PCM1: variants seen among roughly 807,000 people sequenced by gnomAD.
PCM1 encodes the protein pericentriolar material 1 protein.
PCM1 carries 157 observed loss-of-function variants against 241.9 expected under a neutral mutation model. The observed-to-expected ratio is 0.65, with a 90% confidence interval of 0.57 to 0.74. The LOEUF is 0.74. Among genes scored for constraint, PCM1 ranks in the 30% least tolerant of loss-of-function variants. The pLI is 0.00. For synonymous variants in PCM1, 1,085 were observed against 784.9 expected, an observed-to-expected ratio of 1.38 and a Z score of -6.39; for missense variants, 3,478 against 2,360.1, an observed-to-expected ratio of 1.47 and a Z score of -9.81.
intron 4 of PCM1, among the ~76,000 whole-genome samples, chr8:17,937,748 T>C (rs1231755203): frequency 6.6e-6 from 1 of 152,164 alleles, no homozygotes; most frequent in Non-Finnish European, 1.5e-5. Context: ...CTGGGTTACC[T>C]CAAGTTTAGA....
At chr8:18,003,676 G>C (rs958599043) in intron 29 of PCM1, among the ~76,000 whole-genome samples, 3 of 152,046 alleles carry the variant, frequency 2.0e-5, no homozygotes, top group Non-Finnish European at 4.4e-5. Context: ...TAAGATACTG[G>C]ATAAAAAGAA....
At chr8:17,975,774 G>C (rs992340168) in intron 23 of PCM1, among the ~76,000 whole-genome samples, 3 of 152,084 alleles carry the variant, frequency 2.0e-5, no homozygotes, top group African/African-American at 7.2e-5. Context: ...TCCCATGATG[G>C]TAATGTGTTT....
chr8:17,939,743 T>G lies in PCM1; in HGVS notation c.665T>G (p.Met222Arg). 12 of 1,560,274 alleles carry G rather than the reference T, an allele frequency of 7.7e-6. No individual in the cohort carries two copies. The highest frequency in any genetic ancestry group is 1.0e-5 in the Non-Finnish European group (12 of 1,149,118). Reference sequence around the variant, plus strand: ...GATTATATTACTAAAGCTAGTTCCATGCGGGAAGATCTTGTAGAGAAAAAT... The same window carrying G: ...GATTATATTACTAAAGCTAGTTCCAGGCGGGAAGATCTTGTAGAGAAAAAT... ...IRDYITKASSMREDLVEKNER... is the reference protein window; with the variant it reads ...IRDYITKASSRREDLVEKNER... The change falls in exon 6 of 39, where the codon ATG becomes AGG. Residue 222 changes from methionine (M) to arginine (R), a missense_variant. Coordinates refer to ENST00000325083, the MANE Select transcript of PCM1 (RefSeq NM_006197.4).
chr8:17,947,191 A>T lies in PCM1; in HGVS notation c.789A>T (p.Arg263Ser). ...YMKFLKKILA[R>S]DPQQEPMEEI... ...TTGTTGGTCTTATTTTCCAGGCCAG[A>T]GATCCTCAGCAGGAGCCTATGGAAG... The change falls in exon 7 of 39, where the codon AGA becomes AGT. Residue 263 changes from arginine to serine, a missense_variant. By Grantham distance (110) the Arg-to-Ser change is moderately radical. Coordinates refer to ENST00000325083, the MANE Select transcript of PCM1 (RefSeq NM_006197.4). The T allele has an allele frequency of 6.3e-7, 1 of 1,588,390 alleles. No homozygotes were observed. Among genetic ancestry groups the T allele is most frequent in the East Asian group, 2.2e-5 (1 of 44,644 alleles).
At chr8:17,967,665 AC>A (rs751344783) in intron 21 of PCM1, among the ~76,000 whole-genome samples, 5 of 152,200 alleles carry the variant, frequency 3.3e-5, no homozygotes, top group Non-Finnish European at 7.4e-5. Context: ...AATTAAGTAA[AC>A]TACTTAGGAA....
In PCM1 at chr8:17,963,264, G is replaced by A; in HGVS notation, c.2627G>A (p.Cys876Tyr). 6.2e-7 allele frequency: 1 copy of A among 1,603,860 alleles called. No individual in the cohort carries two copies. The highest frequency in any genetic ancestry group is 8.5e-7 in the Non-Finnish European group (1 of 1,177,386). The stretch of plus-strand genomic sequence containing the variant: ...AGAAGTGATGGATCTGAGAACCTAT[G>A]TACTCCTCAGCAAAGTAGAACAGAA... ...SLRSDGSENL[C>Y]TPQQSRTEKT... The change falls in exon 17 of 39, where the codon TGT (cysteine) becomes TAT (tyrosine). Residue 876 changes from cysteine to tyrosine, a missense_variant. Coordinates refer to ENST00000325083, the MANE Select transcript of PCM1 (RefSeq NM_006197.4).
At chr8:17,997,122 A>G (rs531655697) in intron 29 of PCM1, among the ~76,000 whole-genome samples, 65 of 152,276 alleles carry the variant, frequency 4.3e-4, no homozygotes, top group African/African-American at 1.4e-3. Context: ...CTGGGAAAGT[A>G]TTTCTCCTTC....
intron 3 of PCM1, 99 bp downstream of exon 3, chr8:17,935,805 A>G (rs941879265): frequency 1.6e-6 from 1 of 640,266 alleles, no homozygotes; most frequent in Admixed American, 2.3e-5. Context: ...CTTTGTATAC[A>G]CTTGCTGGCC....
At chr8:17,954,691 G>C (rs2067376241) in intron 9 of PCM1, among the ~76,000 whole-genome samples, 1 of 152,172 alleles carries the variant, frequency 6.6e-6, no homozygotes, top group Non-Finnish European at 1.5e-5. Context: ...CTTTGAGAAA[G>C]ATACTGGTAA....
chr8:17,976,399 A>G (rs1324823621), intron 23 of PCM1, among the ~76,000 whole-genome samples: 1 of 152,210 alleles, frequency 6.6e-6, no homozygotes, highest in Non-Finnish European at 1.5e-5. Flanking sequence ...AATGTACCCT[A>G]CAAGGTTGAG....
intron 3 of PCM1, among the ~76,000 whole-genome samples, chr8:17,936,365 C>T (rs1208526740): frequency 6.6e-6 from 1 of 152,008 alleles, no homozygotes; most frequent in African/African-American, 2.4e-5. Flanking sequence ...GAAAATATCC[C>T]AAGTGGTTTA....
At position 17,962,012 on chromosome 8, in the gene PCM1, T is replaced by C. The variant is rs755222608; in HGVS notation, c.2323-22T>C. The C allele has an allele frequency of 5.6e-6, 9 of 1,594,192 alleles. No individual in the cohort carries two copies. In the South Asian group the frequency reaches 5.7e-5, roughly 10 times the overall value. ...ATAATTGCTTTAATTCCTCATAACG[T>C]TTTTTGTGAATTCCTTTTTAGCTGT... On this transcript the variant is annotated intron_variant, in intron 15 of 38. Transcript: ENST00000325083.
At chr8:17,985,914 A>G in intron 25 of PCM1, 45 bp from the exon 26 acceptor site, 1 of 1,244,548 alleles carries the variant, frequency 8.0e-7, no homozygotes, top group East Asian at 2.6e-5. Context: ...TGAATGATTA[A>G]GCATGTATGT....
chr8:17,957,615 A>C lies in PCM1; in HGVS notation c.1880A>C (p.Glu627Ala). ...QGEDDEEEEE[E>A]AEEEGVSGAS... The stretch of plus-strand genomic sequence containing the variant: ...GAAGATGATGAGGAGGAGGAGGAAG[A>C]AGCAGAAGAGGAGGGAGTCAGTGGA... Residue 627 changes from glutamate (E) to alanine (A), a missense_variant, in exon 13 of 39, where the codon GAA (glutamate) becomes GCA (alanine). By Grantham distance (107) the Glu-to-Ala change is moderately radical. Coordinates refer to ENST00000325083, the MANE Select transcript of PCM1 (RefSeq NM_006197.4). 1 of 1,578,616 alleles carries C rather than the reference A, an allele frequency of 6.3e-7. No homozygotes were observed. Among genetic ancestry groups the C allele is most frequent in the South Asian group, 1.1e-5 (1 of 87,588 alleles).
chr8:18,022,863 A>T (rs1037051067), intron 36 of PCM1, among the ~76,000 whole-genome samples: 2 of 152,228 alleles, frequency 1.3e-5, no homozygotes, highest in Non-Finnish European at 2.9e-5. Context: ...CTAGAGGCAA[A>T]TGGAATACCC....
In PCM1 at chr8:17,993,616, G is replaced by A. The variant is rs757405725; in HGVS notation, c.4824G>A (p.Leu1608=). The change falls in exon 29 of 39, where the codon TTG becomes TTA. Residue 1608 remains leucine, a synonymous_variant. Coordinates refer to ENST00000325083, the MANE Select transcript of PCM1 (RefSeq NM_006197.4). ...TTATGAAAGAAGTCATTCCTTTTTT[G>A]AAGGTAAGCAATTATTTTAAAAAAT... ...KAIMKEVIPF[L]KEHMDEVCSS... The A allele has an allele frequency of 1.9e-6, 3 of 1,576,714 alleles. No homozygotes were observed. Among genetic ancestry groups the A allele is most frequent in the East Asian group, 2.3e-5 (1 of 43,786 alleles).
At position 17,972,681 on chromosome 8, in the gene PCM1, A is replaced by G; in HGVS notation, c.3937A>G (p.Asn1313Asp). Residue 1313 changes from asparagine to aspartate, a missense_variant, in exon 23 of 39, where the codon AAC becomes GAC. Asn to Asp is a conservative substitution (Grantham distance 23). Transcript: ENST00000325083. ...TACTCAGCTGAAAAGCAGAGTTAAAAACATCAGTAAGTGTTGAAATTTGTT... is the reference window on the plus strand; with the variant it reads ...TACTCAGCTGAAAAGCAGAGTTAAAGACATCAGTAAGTGTTGAAATTTGTT... The part of the protein sequence containing the change: ...NSTQLKSRVK[N>D]IRYESASMSS... 1 of 1,523,670 alleles carries G rather than the reference A, an allele frequency of 6.6e-7. No homozygotes were observed. The highest frequency in any genetic ancestry group is 8.8e-7 in the Non-Finnish European group (1 of 1,136,168). 94.4% of individuals were successfully genotyped at this position (1,523,670 alleles called of 1,614,324 possible). A position where few individuals can be genotyped will look rare whatever the true frequency, so the allele number is the denominator to read the frequency against.
At chr8:18,010,562 G>A in intron 31 of PCM1, 47 bp from the exon 32 acceptor site, 2 of 1,368,912 alleles carry the variant, frequency 1.5e-6, no homozygotes, top group Non-Finnish European at 2.0e-6. Flanking sequence ...GCTAAATTAT[G>A]TATCTAAGTA....
chr8:17,929,060 C>G (rs1202996212), intron 2 of PCM1, among the ~76,000 whole-genome samples: 1 of 152,072 alleles, frequency 6.6e-6, no homozygotes, highest in Non-Finnish European at 1.5e-5. Flanking sequence ...TAGCTAATGA[C>G]TTTCTTTATT....
Sources: gnomAD v4.1 joint callset for allele counts (sites outside exome capture counted in the v4.1 genomes callset) on GRCh38, gnomAD v4.1.1 for gene constraint, MANE v1.5 for transcripts, NCBI Gene and HGNC (gene_info 2026-07-23, HGNC 2026-07-21) for gene names.